STK32C: variants seen among roughly 807,000 people sequenced by gnomAD.
STK32C encodes the protein serine/threonine kinase 32C, also known as serine/threonine-protein kinase 32C.
In STK32C, 31 loss-of-function variants were observed where a neutral mutation model predicts 56.5. That is an observed-to-expected ratio of 0.55 (90% CI 0.41 to 0.74). The LOEUF (loss-of-function observed/expected upper bound fraction) is 0.74. STK32C is among the 30% of genes least tolerant of loss of function. The pLI, the probability that STK32C is intolerant of heterozygous loss-of-function variation, is 0.00. For synonymous variants in STK32C, 309 were observed against 289.4 expected (o/e 1.07, Z -0.69); for missense variants, 544 against 676.9 (o/e 0.80, Z 2.18).
chr10:132,286,371 C>A (rs1243993708), intron 1 of STK32C, among the ~76,000 whole-genome samples: 6 of 152,290 alleles, frequency 3.9e-5, no homozygotes, highest in African/African-American at 9.6e-5. Flanking sequence ...AAAAACACCA[C>A]CAACCTTACA....
chr10:132,253,301 C>T lies in STK32C; in HGVS notation c.263-7346G>A, dbSNP rs953905190. On this transcript the variant is annotated intron_variant, in intron 1 of 11. Coordinates refer to ENST00000298630, the MANE Select transcript of STK32C (RefSeq NM_173575.4). ...GTCCTGCCGGGCCTGGGAACTGGAA[C>T]CGGGCAAAAGGAAGCTGGAGGGAGC... is the stretch of plus-strand genomic sequence containing the variant. Among the ~76,000 whole-genome samples the T allele has an allele frequency of 1.3e-5, 2 of 152,194 alleles. 1 individual carries two copies. Among genetic ancestry groups the T allele is most frequent in the South Asian group, 4.1e-4 (2 of 4,830 alleles).
chr10:132,307,625 G>A lies in STK32C; in HGVS notation c.209C>T (p.Ser70Leu). Residue 70 changes from serine to leucine, a missense_variant, in exon 1 of 12, where the codon TCG becomes TTG. Physicochemically the swap from Ser to Leu is moderately radical, Grantham distance 145. Around this residue, in one of 3 missense-constraint regions of STK32C, gnomAD observed 182 missense variants for 217.7 expected, o/e 0.84. Coordinates refer to ENST00000298630, the MANE Select transcript of STK32C (RefSeq NM_173575.4). This position sits in a 1 kb window ranked among gnomAD's most constrained non-coding sequence, Gnocchi z 4.4. The part of the protein sequence containing the change: ...QWSKWKKRMG[S>L]SMSAATARRP... ...CCGCGCGGTGGCCGCCGACATGGACGAGCCCATCCTCTTCTTCCACTTGCT... is the reference window on the plus strand; with the variant it reads ...CCGCGCGGTGGCCGCCGACATGGACAAGCCCATCCTCTTCTTCCACTTGCT... 1.3e-6 allele frequency: 2 copies of A among 1,557,868 alleles called. No homozygotes were observed. Among genetic ancestry groups the A allele is most frequent in the Non-Finnish European group, 1.7e-6 (2 of 1,155,722 alleles).
chr10:132,214,138 C>T (rs1006715345), intron 10 of STK32C, among the ~76,000 whole-genome samples: 1 of 51,676 alleles, frequency 1.9e-5, no homozygotes, highest in African/African-American at 5.5e-5. Flanking sequence ...ATGACAGACA[C>T]CAAACCACAG....
At chr10:132,311,222 C>T (rs1025119338), upstream of STK32C, among the ~76,000 whole-genome samples, 5 of 152,222 alleles carry the variant, frequency 3.3e-5, no homozygotes, top group South Asian at 2.1e-4. This position sits in a 1 kb window ranked among gnomAD's most constrained non-coding sequence, Gnocchi z 4.4. Context: ...GCTCTGCCCA[C>T]GCCTTTGTTA....
intron 1 of STK32C, among the ~76,000 whole-genome samples, chr10:132,296,976 G>A (rs1028860842): frequency 4.6e-5 from 7 of 152,368 alleles, no homozygotes; most frequent in African/African-American, 1.7e-4. Flanking sequence ...GAGACAGGGA[G>A]GCGGACATCG....
chr10:132,224,150 A>G (rs1415780314), intron 8 of STK32C, among the ~76,000 whole-genome samples: 1 of 151,918 alleles, frequency 6.6e-6, no homozygotes. Context: ...GTGCCTGGAG[A>G]CGCAGCTCAG....
intron 10 of STK32C, among the ~76,000 whole-genome samples, chr10:132,222,020 G>A (rs1411040892): frequency 1.4e-5 from 2 of 145,700 alleles, no homozygotes; most frequent in Non-Finnish European, 3.0e-5. Flanking sequence ...AACGCACCTG[G>A]GTGAGTGTGA....
rs1565113900 is a variant in STK32C, at chr10:132,253,525, CGG to C, written c.263-7572_263-7571del. Among the ~76,000 whole-genome samples the C allele has an allele frequency of 1.7e-4, 17 of 98,118 alleles. 1 individual carries two copies. The highest frequency in any genetic ancestry group is 2.5e-4 in the Non-Finnish European group (13 of 50,982). 64.4% of individuals were successfully genotyped at this position (98,118 alleles called of 152,430 possible). ...AGGGAGCTGAGGGAGCTGAGGGAGC[CGG>C]AGGGAGCTGGAGGGAGTCGAGGGAG... On this transcript the variant is annotated intron_variant, in intron 1 of 11. Transcript: ENST00000298630.
At chr10:132,230,422 C>T (rs998912087) in intron 2 of STK32C, among the ~76,000 whole-genome samples, 6 of 152,186 alleles carry the variant, frequency 3.9e-5, no homozygotes, top group Non-Finnish European at 8.8e-5. Context: ...TCACTCTGCA[C>T]AGGCGCAGAA....
Position 132,255,963 on chromosome 10 carries a change from C to T in STK32C, c.263-10008G>A, listed in dbSNP as rs1359521413. ...CACACCCTGGAGCCCTGGTGTCCAG[C>T]TTGGACTCGCCCGGGTGGCTTGGCG... On this transcript the variant is annotated intron_variant, in intron 1 of 11. Coordinates refer to ENST00000298630, the MANE Select transcript of STK32C (RefSeq NM_173575.4). This position sits in a 1 kb window ranked among gnomAD's most constrained non-coding sequence, Gnocchi z 4.6. Among the ~76,000 whole-genome samples, 1 of 152,220 alleles carries T rather than the reference C, an allele frequency of 6.6e-6. No homozygotes were observed. The highest frequency in any genetic ancestry group is 6.5e-5 in the Admixed American group (1 of 15,286).
upstream of STK32C, chr10:132,331,887 C>G (rs761650342): frequency 3.8e-6 from 4 of 1,055,298 alleles, no homozygotes; most frequent in Non-Finnish European, 5.3e-6. Flanking sequence ...GCGCACCACC[C>G]CCTGCCACCC....
intron 11 of STK32C, 58 bp downstream of exon 11, chr10:132,208,976 C>T (rs1420248983): frequency 3.2e-6 from 5 of 1,553,006 alleles, no homozygotes; most frequent in Non-Finnish European, 4.4e-6. Context: ...AAAACCTTAA[C>T]CTTAGCCCCA....
exon 1 of STK32C, chr10:132,331,763 C>T (rs2066759426): frequency 6.2e-7 from 1 of 1,610,164 alleles, no homozygotes; most frequent in Non-Finnish European, 8.5e-7. Flanking sequence ...CCCTCTGTGC[C>T]AGGCCGGTCG....
At chr10:132,313,234 G>T (rs576890923) in intron 1 of STK32C, among the ~76,000 whole-genome samples, 1 of 152,256 alleles carries the variant, frequency 6.6e-6, no homozygotes, top group South Asian at 2.1e-4. Flanking sequence ...ATTATAAACA[G>T]GACCTAAGGC....
At position 132,241,418 on chromosome 10, in the gene STK32C, T is replaced by A. The variant is rs569740155; in HGVS notation, c.318+4482A>T. Among the ~76,000 whole-genome samples, 4 of 152,230 alleles carry A rather than the reference T, an allele frequency of 2.6e-5. No homozygotes were observed. The East Asian group carries it at 7.7e-4, about 29-fold the overall frequency. ...AAAAGTTCCACGTAACAACATGACA[T>A]AGAATAACCATAGGAACGACGTATC... On this transcript the variant is annotated intron_variant, in intron 2 of 11. Coordinates refer to ENST00000298630, the MANE Select transcript of STK32C (RefSeq NM_173575.4).
chr10:132,331,849 T>C (rs766337457), upstream of STK32C: 22 of 1,458,860 alleles, frequency 1.5e-5, no homozygotes, highest in East Asian at 1.9e-4. Context: ...GAAAAACGGA[T>C]GCTACCGTTG....
At chr10:132,243,739 T>A (rs1422108466) in intron 2 of STK32C, among the ~76,000 whole-genome samples, 1 of 152,158 alleles carries the variant, frequency 6.6e-6, no homozygotes, top group African/African-American at 2.4e-5. Flanking sequence ...GGTGGAGCCA[T>A]GGCCCTGGTG....
At chr10:132,225,114 A>G in intron 7 of STK32C, 119 bp downstream of exon 7, 8 of 732,344 alleles carry the variant, frequency 1.1e-5, no homozygotes, top group South Asian at 1.8e-5. Context: ...GACTCCTCAG[A>G]CACAGTGGAG....
In STK32C at chr10:132,208,004, C is replaced by A; in HGVS notation, c.*6G>T. ...CTCAAGGGGTGAGGACCACGGGCGTCCCGGCCTAGCCGCTCCCGGCCGAGG... is the reference window on the plus strand; with the variant it reads ...CTCAAGGGGTGAGGACCACGGGCGTACCGGCCTAGCCGCTCCCGGCCGAGG... On this transcript the variant is annotated 3_prime_UTR_variant, in exon 12 of 12. Transcript: ENST00000298630. The A allele has an allele frequency of 1.5e-6, 2 of 1,305,370 alleles. No homozygotes were observed. Among genetic ancestry groups the A allele is most frequent in the Non-Finnish European group, 2.0e-6 (2 of 1,020,284 alleles). The allele number at this position is 1,305,370 out of a possible 1,614,324, so 80.9% of individuals were successfully genotyped here. A position where few individuals can be genotyped will look rare whatever the true frequency, so the allele number is the denominator to read the frequency against.
Sources: allele counts gnomAD v4.1 joint callset (sites outside exome capture counted in the v4.1 genomes callset), GRCh38; gene constraint gnomAD v4.1.1; regional missense constraint gnomAD v4.1.1; non-coding constraint Gnocchi (gnomAD v3.1); transcripts MANE v1.5; gene names NCBI Gene and HGNC (gene_info 2026-07-23, HGNC 2026-07-21).